CTNND2: variants seen among roughly 807,000 people sequenced by gnomAD.
CTNND2 encodes catenin delta-2.
A neutral mutation model predicts 144.4 loss-of-function variants in CTNND2; 22 were observed. The ratio of observed to expected loss-of-function variants is 0.15; its 90% CI spans 0.11 to 0.22. CTNND2 has a LOEUF of 0.22. CTNND2 is among the 10% of genes least tolerant of loss of function. The pLI, the probability that CTNND2 is intolerant of heterozygous loss-of-function variation, is 1.00. For synonymous variants in CTNND2, 751 were observed against 695.6 expected, an observed-to-expected ratio of 1.08 and a Z score of -1.25; for missense variants, 1,353 against 1,618.8, an observed-to-expected ratio of 0.84 and a Z score of 2.82.
intron 9 of CTNND2, among the ~76,000 whole-genome samples, chr5:11,297,508 T>C (rs541910743): frequency 6.6e-6 from 1 of 152,212 alleles, no homozygotes; most frequent in East Asian, 1.9e-4. Context: ...TTGGAAAACA[T>C]AGTCATTTTA....
At chr5:11,883,795 C>G (rs890175389) in intron 1 of CTNND2, among the ~76,000 whole-genome samples, 6 of 152,196 alleles carry the variant, frequency 3.9e-5, no homozygotes, top group African/African-American at 1.4e-4. Flanking sequence ...ACACTCCCAA[C>G]AACAGTGTAA....
intron 3 of CTNND2, among the ~76,000 whole-genome samples, chr5:11,448,116 G>A (rs1280064460): frequency 6.6e-6 from 1 of 152,074 alleles, no homozygotes; most frequent in Non-Finnish European, 1.5e-5. Flanking sequence ...CACATTTGTG[G>A]TTTTTCCCCA....
At chr5:11,108,759 T>C (rs1752666998) in intron 14 of CTNND2, among the ~76,000 whole-genome samples, 1 of 152,176 alleles carries the variant, frequency 6.6e-6, no homozygotes, top group Non-Finnish European at 1.5e-5. Flanking sequence ...CAACAGCGCC[T>C]TGAAGAAGGT....
chr5:11,076,315 T>C (rs1748945626), intron 16 of CTNND2, among the ~76,000 whole-genome samples: 1 of 152,192 alleles, frequency 6.6e-6, no homozygotes, highest in African/African-American at 2.4e-5. Context: ...GCTTTAAATG[T>C]TTGGTTTGAG....
At chr5:11,497,464 T>C in intron 3 of CTNND2, among the ~76,000 whole-genome samples, 1 of 122,990 alleles carries the variant, frequency 8.1e-6, no homozygotes, top group African/African-American at 3.2e-5. Flanking sequence ...GCACTTCAGC[T>C]AAGACAGGAA....
chr5:11,487,238 A>G (rs958969505), intron 3 of CTNND2, among the ~76,000 whole-genome samples: 6 of 152,190 alleles, frequency 3.9e-5, no homozygotes, highest in Admixed American at 3.3e-4. Flanking sequence ...TACTTAATAA[A>G]ATGCAAAACT....
At chr5:11,354,553 T>C (rs1755663992) in intron 8 of CTNND2, among the ~76,000 whole-genome samples, 1 of 152,170 alleles carries the variant, frequency 6.6e-6, no homozygotes, top group Non-Finnish European at 1.5e-5. Context: ...GTCTATACAC[T>C]TGCAACATTT....
intron 11 of CTNND2, among the ~76,000 whole-genome samples, chr5:11,182,774 T>C (rs995793062): frequency 2.0e-5 from 3 of 152,240 alleles, no homozygotes; most frequent in African/African-American, 7.2e-5. Context: ...TGTGGCCTAA[T>C]GATTTTTTAA....
chr5:11,762,025 G>T (rs1259504504), intron 1 of CTNND2, among the ~76,000 whole-genome samples: 1 of 152,148 alleles, frequency 6.6e-6, no homozygotes, highest in Admixed American at 6.5e-5. Flanking sequence ...CACAGGCATA[G>T]GCGACTTCTA....
At chr5:11,087,792 T>G (rs1260844600) in intron 15 of CTNND2, among the ~76,000 whole-genome samples, 1 of 152,232 alleles carries the variant, frequency 6.6e-6, no homozygotes, top group East Asian at 1.9e-4. Context: ...TTTAAAAATC[T>G]AAGTCAAGTT....
chr5:11,076,105 A>C (rs910475644), intron 16 of CTNND2, among the ~76,000 whole-genome samples: 7 of 152,256 alleles, frequency 4.6e-5, no homozygotes, highest in African/African-American at 1.7e-4. Context: ...TGGGGAAGAC[A>C]TACGCATACA....
chr5:11,441,554 T>A (rs1372748286), intron 3 of CTNND2, among the ~76,000 whole-genome samples: 2 of 151,444 alleles, frequency 1.3e-5, no homozygotes, highest in Non-Finnish European at 2.9e-5. Context: ...AATTTTTTTT[T>A]TTTATTTTTA....
chr5:11,256,899 T>A (rs564007826), intron 9 of CTNND2, among the ~76,000 whole-genome samples: 2 of 152,304 alleles, frequency 1.3e-5, no homozygotes, highest in South Asian at 4.1e-4. Context: ...AACATATTTA[T>A]GCAACATGCC....
intron 16 of CTNND2, among the ~76,000 whole-genome samples, chr5:11,041,405 G>A (rs905360339): frequency 6.6e-6 from 1 of 152,168 alleles, no homozygotes; most frequent in African/African-American, 2.4e-5. Context: ...AATGGTATGG[G>A]AAAGGTCACA....
intron 9 of CTNND2, among the ~76,000 whole-genome samples, chr5:11,247,225 T>C (rs928669187): frequency 6.6e-6 from 1 of 152,148 alleles, no homozygotes; most frequent in Non-Finnish European, 1.5e-5. Flanking sequence ...TGGGGGCAGA[T>C]GGTGGCTCAG....
At chr5:11,158,577 A>G (rs1331964543) in intron 12 of CTNND2, among the ~76,000 whole-genome samples, 1 of 152,132 alleles carries the variant, frequency 6.6e-6, no homozygotes, top group Admixed American at 6.5e-5. Context: ...TTTCACACAA[A>G]CACATACCGC....
intron 6 of CTNND2, among the ~76,000 whole-genome samples, chr5:11,387,218 G>A (rs1759181711): frequency 4.2e-5 from 6 of 141,188 alleles, no homozygotes; most frequent in Admixed American, 3.8e-4. Flanking sequence ...TCAAAGGGAG[G>A]TCCCTGATGG....
chr5:11,017,949 A>C, intron 18 of CTNND2, 25 bp downstream of exon 18: 5 of 1,577,118 alleles, frequency 3.2e-6, no homozygotes, highest in East Asian at 2.2e-5. Context: ...GTTTGGACTC[A>C]GGGCCCAGGT....
At chr5:11,383,982 A>G (rs1319701916) in intron 7 of CTNND2, among the ~76,000 whole-genome samples, 1 of 152,112 alleles carries the variant, frequency 6.6e-6, no homozygotes. Context: ...CCCCAAGCCC[A>G]GCCCCTCCCT....
Sources: gnomAD v4.1 joint callset for allele counts (sites outside exome capture counted in the v4.1 genomes callset) on GRCh38, gnomAD v4.1.1 for gene constraint, MANE v1.5 for transcripts, NCBI Gene and HGNC (gene_info 2026-07-23, HGNC 2026-07-21) for gene names.